Variants in SETD7 observed in about 807,000 individuals in gnomAD.
SETD7 encodes SET domain containing 7, histone lysine methyltransferase.
Under a neutral mutation model 41.8 loss-of-function variants are expected in SETD7, and 16 were observed. The observed-to-expected ratio is 0.38, with a 90% CI of 0.26 to 0.58. The LOEUF (loss-of-function observed/expected upper bound fraction) is 0.58. Ranked by LOEUF, SETD7 falls within the 20% of genes least tolerant of loss-of-function variation. SETD7 has a pLI of 0.64. For missense variants in SETD7, 346 were observed against 459.7 expected (o/e 0.75, Z 2.26); for synonymous variants, 163 against 169.7 (o/e 0.96, Z 0.31).
exon 8 of SETD7, chr4:139,496,481 A>T (rs1411138433): frequency 5.7e-6 from 4 of 702,276 alleles, no homozygotes; most frequent in East Asian, 2.7e-5. Context: ...GGAGCCCCAA[A>T]TCTGCTTCTT....
At chr4:139,497,891 T>C (rs1257968726) in intron 7 of SETD7, among the ~76,000 whole-genome samples, 1 of 152,188 alleles carries the variant, frequency 6.6e-6, no homozygotes, top group Non-Finnish European at 1.5e-5. Flanking sequence ...AATCATCCTT[T>C]CCCTAGAGGT....
At chr4:139,553,171 A>G (rs1490364978) in intron 1 of SETD7, among the ~76,000 whole-genome samples, 3 of 152,148 alleles carry the variant, frequency 2.0e-5, no homozygotes, top group Non-Finnish European at 2.9e-5. Flanking sequence ...GGAATTGTCC[A>G]CTCTGAGTTC....
chr4:139,501,303 C>T (rs1332671839), downstream of SETD7, among the ~76,000 whole-genome samples: 1 of 152,084 alleles, frequency 6.6e-6, no homozygotes, highest in Non-Finnish European at 1.5e-5. Context: ...AAGCTGGAGG[C>T]CATTATTCTA....
rs917192262 is a variant in SETD7, at chr4:139,506,098, A to C, written c.*5565T>G. 6.6e-6 allele frequency: 1 copy of C among 152,628 alleles called. No individual in the cohort carries two copies. Among genetic ancestry groups the C allele is most frequent in the African/African-American group, 2.4e-5 (1 of 41,442 alleles). The allele number at this position is 152,628 out of a possible 1,614,324, so 9.5% of individuals were successfully genotyped here. ...TATAGCGCAATTATAGCAATCTTTA[A>C]ATTTACTTTCATTACAAATATTTGT... On this transcript the variant is annotated 3_prime_UTR_variant, in exon 8 of 8. Transcript: ENST00000274031.
intron 7 of SETD7, among the ~76,000 whole-genome samples, chr4:139,515,992 A>G (rs1234563193): frequency 1.3e-5 from 2 of 152,224 alleles, no homozygotes; most frequent in Non-Finnish European, 2.9e-5. Flanking sequence ...TATATCCTCT[A>G]GAGCACAGTC....
chr4:139,543,933 C>T (rs1407178053), intron 2 of SETD7, among the ~76,000 whole-genome samples: 2 of 151,938 alleles, frequency 1.3e-5, no homozygotes, highest in East Asian at 3.9e-4. Context: ...CGCTGCACTC[C>T]AGCCTGGGAG....
intron 7 of SETD7, among the ~76,000 whole-genome samples, chr4:139,499,267 G>C (rs1183904320): frequency 2.0e-5 from 3 of 152,182 alleles, no homozygotes; most frequent in Non-Finnish European, 4.4e-5. Flanking sequence ...TCCCTTCCTT[G>C]TTCAAAAATG....
chr4:139,528,752 A>C (rs1579212056), intron 4 of SETD7, among the ~76,000 whole-genome samples: 1 of 152,192 alleles, frequency 6.6e-6, no homozygotes, highest in Non-Finnish European at 1.5e-5. Context: ...CCCCAGAATT[A>C]AGACAAAGAG....
At chr4:139,532,125 A>T (rs1231347023) in intron 3 of SETD7, among the ~76,000 whole-genome samples, 1 of 152,202 alleles carries the variant, frequency 6.6e-6, no homozygotes, top group African/African-American at 2.4e-5. Flanking sequence ...GACTTAAGTT[A>T]TGAACAAAAT....
At chr4:139,541,677 T>C (rs1263169021) in intron 2 of SETD7, among the ~76,000 whole-genome samples, 1 of 152,266 alleles carries the variant, frequency 6.6e-6, no homozygotes, top group African/African-American at 2.4e-5. Flanking sequence ...TCATTCCTTA[T>C]TTGTAGGGCA....
intron 7 of SETD7, among the ~76,000 whole-genome samples, chr4:139,512,752 C>CTTTTTTTT (rs140570195): frequency 1.2e-4 from 9 of 75,536 alleles, no homozygotes; most frequent in Admixed American, 1.8e-4. Context: ...TTTTCTTATT[C>CTTTTTTTT]TTTTTTTTTT....
In SETD7 at chr4:139,506,314, A is replaced by G. The variant is rs758462626; in HGVS notation, c.*5349T>C. 33 of 152,798 alleles carry G rather than the reference A, an allele frequency of 2.2e-4. No homozygotes were observed. Among genetic ancestry groups the G allele is most frequent in the Non-Finnish European group, 4.3e-4 (29 of 68,038 alleles). The allele number at this position is 152,798 out of a possible 1,614,324, so 9.5% of individuals were successfully genotyped here. On this transcript the variant is annotated 3_prime_UTR_variant, in exon 8 of 8. Coordinates refer to ENST00000274031, the MANE Select transcript of SETD7 (RefSeq NM_030648.4). ...GGCTCATAGTTTTAGTTCAAATTCC[A>G]CAAGAGACCAAAGATGCTCGTTAAC...
chr4:139,504,769 C>T (rs1030976651), downstream of SETD7, among the ~76,000 whole-genome samples: 1 of 152,112 alleles, frequency 6.6e-6, no homozygotes, highest in Non-Finnish European at 1.5e-5. Context: ...ATAATTTTGT[C>T]TTAATTTTCA....
At chr4:139,547,990 C>A (rs1050908297) in intron 1 of SETD7, 1 of 152,152 alleles carries the variant, frequency 6.6e-6, no homozygotes, top group Non-Finnish European at 1.5e-5. Flanking sequence ...TTATTACTAT[C>A]TACATGTTTT....
chr4:139,522,997 G>A (rs375327328), intron 5 of SETD7, among the ~76,000 whole-genome samples: 85 of 151,924 alleles, frequency 5.6e-4, no homozygotes, highest in African/African-American at 1.5e-3. Flanking sequence ...CAAGTGATCC[G>A]CCCGCCTTGG....
At chr4:139,527,686 T>C (rs1387012073) in intron 4 of SETD7, among the ~76,000 whole-genome samples, 1 of 152,246 alleles carries the variant, frequency 6.6e-6, no homozygotes, top group Non-Finnish European at 1.5e-5. Flanking sequence ...TTTCTCCTAA[T>C]GTTAACTTCT....
At chr4:139,523,325 T>C in intron 5 of SETD7, 29 bp downstream of exon 5, 1 of 1,512,668 alleles carries the variant, frequency 6.6e-7, no homozygotes, top group East Asian at 2.3e-5. Flanking sequence ...ACATAAACAG[T>C]GCAATTAAAA....
rs114605466 is a variant in SETD7, at chr4:139,512,945, G to A, written c.921-1102C>T. On this transcript the variant is annotated intron_variant, in intron 7 of 7. Coordinates refer to ENST00000274031, the MANE Select transcript of SETD7 (RefSeq NM_030648.4). ...GAAGATTTTTTGTATTTTTAGTACA[G>A]ACAGGGTTTTGCTATGTTGGCCAGC... Among the ~76,000 whole-genome samples, 1,401 of 151,744 alleles carry A rather than the reference G, an allele frequency of 9.2e-3. 21 individuals carry two copies. Among genetic ancestry groups the A allele is most frequent in the African/African-American group, 0.033 (1,349 of 41,408 alleles).
intron 2 of SETD7, among the ~76,000 whole-genome samples, chr4:139,541,364 G>C (rs561684680): frequency 1.3e-5 from 2 of 152,234 alleles, no homozygotes; most frequent in East Asian, 3.9e-4. Flanking sequence ...CCAGAATCTA[G>C]GATTAGTATA....
Sources: gnomAD v4.1 joint callset for allele counts (sites outside exome capture counted in the v4.1 genomes callset) on GRCh38, gnomAD v4.1.1 for gene constraint, MANE v1.5 for transcripts, NCBI Gene and HGNC (gene_info 2026-07-23, HGNC 2026-07-21) for gene names.